Variants in PARD3B observed in about 807,000 individuals in gnomAD.
PARD3B encodes par-3 family cell polarity regulator beta.
Under a neutral mutation model 130.2 loss-of-function variants are expected in PARD3B, and 103 were observed. The observed-to-expected ratio is 0.79, with a 90% CI of 0.67 to 0.93. PARD3B has a LOEUF of 0.93. PARD3B is among the 40% of genes least tolerant of loss of function. The pLI, the probability that PARD3B is intolerant of heterozygous loss-of-function variation, is 0.00. For missense variants in PARD3B, 1,609 were observed against 1,499.2 expected (o/e 1.07, Z -1.21); for synonymous variants, 583 against 553.2 (o/e 1.05, Z -0.76).
At chr2:205,535,917 T>TATAAACATGCCAA in intron 21 of PARD3B, among the ~76,000 whole-genome samples, 1 of 152,310 alleles carries the variant, frequency 6.6e-6, no homozygotes, top group Non-Finnish European at 1.5e-5. Context: ...TTCCTGGTGT[T>TATAAACATGCCAA]TTCTCCTTTC....
chr2:205,530,039 C>A lies in PARD3B; in HGVS notation c.3181-23285C>A, dbSNP rs2051518743. ...GGTATAGGCAGGCAAAGAAAGGTGCCACCCAACAATGCTGTGAAGAGTAAG... is the reference window on the plus strand; with the variant it reads ...GGTATAGGCAGGCAAAGAAAGGTGCAACCCAACAATGCTGTGAAGAGTAAG... On this transcript the variant is annotated intron_variant, in intron 21 of 22. Transcript: ENST00000406610. This position sits in a 1 kb window ranked among gnomAD's most constrained non-coding sequence, Gnocchi z 4.7. Among the ~76,000 whole-genome samples, 1 of 152,112 alleles carries A rather than the reference C, an allele frequency of 6.6e-6. No individual in the cohort carries two copies. The highest frequency in any genetic ancestry group is 1.5e-5 in the Non-Finnish European group (1 of 68,022).
At chr2:204,926,290 C>G (rs531883007) in intron 2 of PARD3B, among the ~76,000 whole-genome samples, 9 of 152,222 alleles carry the variant, frequency 5.9e-5, no homozygotes, top group Non-Finnish European at 1.3e-4. Context: ...TCTGTTATCT[C>G]TTGATCTTGA....
chr2:205,104,188 C>G (rs901976193), intron 4 of PARD3B, among the ~76,000 whole-genome samples: 1 of 152,170 alleles, frequency 6.6e-6, no homozygotes, highest in Non-Finnish European at 1.5e-5. Flanking sequence ...TATTCCAAAG[C>G]TCTTAACATA....
chr2:205,188,580 T>TA (rs1389379986), intron 14 of PARD3B, among the ~76,000 whole-genome samples: 2 of 152,088 alleles, frequency 1.3e-5, no homozygotes, highest in African/African-American at 4.8e-5. Context: ...AGGGCAGAGA[T>TA]ATTTTAAAAA....
At chr2:204,632,968 A>G (rs1473025884) in intron 1 of PARD3B, among the ~76,000 whole-genome samples, 1 of 151,902 alleles carries the variant, frequency 6.6e-6, no homozygotes, top group Non-Finnish European at 1.5e-5. Context: ...TATTTTCTTT[A>G]TCCATGCATG....
intron 21 of PARD3B, among the ~76,000 whole-genome samples, chr2:205,514,004 A>G (rs2050692165): frequency 1.3e-5 from 2 of 152,110 alleles, no homozygotes; most frequent in South Asian, 4.1e-4. Context: ...AATCTAAACA[A>G]TTGCCCTTTG....
chr2:205,488,010 T>C (rs1017661286), intron 20 of PARD3B, among the ~76,000 whole-genome samples: 11 of 152,174 alleles, frequency 7.2e-5, no homozygotes, highest in Non-Finnish European at 1.5e-4. Context: ...ATAATACAAG[T>C]TTTGTAGGTT....
At position 205,015,840 on chromosome 2, in the gene PARD3B, G is replaced by C. The variant is rs1480399179; in HGVS notation, c.395-31741G>C. ...GTTATGAGTGAATGAATGAAAGAAT[G>C]GGTTTATTTTCCTGATCGTGAGCCT... On this transcript the variant is annotated intron_variant, in intron 3 of 22. Transcript: ENST00000406610. This position sits in a 1 kb window ranked among gnomAD's most constrained non-coding sequence, Gnocchi z 4.5. Among the ~76,000 whole-genome samples the C allele has an allele frequency of 6.6e-6, 1 of 152,146 alleles. No homozygotes were observed. Among genetic ancestry groups the C allele is most frequent in the African/African-American group, 2.4e-5 (1 of 41,442 alleles).
At chr2:205,320,680 A>G (rs986450516) in intron 18 of PARD3B, among the ~76,000 whole-genome samples, 5 of 152,216 alleles carry the variant, frequency 3.3e-5, no homozygotes, top group Non-Finnish European at 5.9e-5. Context: ...TATTTATTTT[A>G]CAATATAGAG....
intron 18 of PARD3B, among the ~76,000 whole-genome samples, chr2:205,319,428 G>A (rs1468946978): frequency 6.6e-6 from 1 of 152,176 alleles, no homozygotes; most frequent in Non-Finnish European, 1.5e-5. Flanking sequence ...ATCCACAGTT[G>A]TAGGACCTTT....
At chr2:205,081,148 T>C (rs375216917) in intron 4 of PARD3B, among the ~76,000 whole-genome samples, 8 of 152,222 alleles carry the variant, frequency 5.3e-5, no homozygotes, top group African/African-American at 1.9e-4. Flanking sequence ...AATCTTTTCC[T>C]TTATGGATGG....
At chr2:205,541,122 A>G (rs1410509938) in intron 21 of PARD3B, among the ~76,000 whole-genome samples, 1 of 152,182 alleles carries the variant, frequency 6.6e-6, no homozygotes, top group Non-Finnish European at 1.5e-5. Flanking sequence ...GGAATGAAGT[A>G]TTCTGATTGA....
chr2:205,056,146 G>A (rs371496781), intron 4 of PARD3B, among the ~76,000 whole-genome samples: 2 of 151,958 alleles, frequency 1.3e-5, no homozygotes, highest in Non-Finnish European at 2.9e-5. Flanking sequence ...GCCTTGGGAG[G>A]AGAAGGAAAA....
chr2:204,837,129 C>T (rs890596645), intron 2 of PARD3B, among the ~76,000 whole-genome samples: 8 of 152,002 alleles, frequency 5.3e-5, no homozygotes, highest in Non-Finnish European at 8.8e-5. Context: ...CATACTTTCA[C>T]GTGAATTATT....
At chr2:204,948,704 T>C (rs754734414) in intron 2 of PARD3B, among the ~76,000 whole-genome samples, 7 of 152,350 alleles carry the variant, frequency 4.6e-5, no homozygotes, top group Non-Finnish European at 8.8e-5. Flanking sequence ...TTGTCCGCAC[T>C]CACTTTCTAT....
At chr2:205,398,889 C>T (rs928545542) in intron 18 of PARD3B, among the ~76,000 whole-genome samples, 1 of 152,126 alleles carries the variant, frequency 6.6e-6, no homozygotes. Context: ...ATGTCAGGTC[C>T]TCATGTGAGG....
chr2:205,586,636 A>G (rs1382241754), intron 22 of PARD3B, among the ~76,000 whole-genome samples: 2 of 151,722 alleles, frequency 1.3e-5, no homozygotes, highest in Non-Finnish European at 2.9e-5. Flanking sequence ...TTTTATATAC[A>G]TATATATAAT....
At chr2:205,376,574 T>C (rs1230459343) in intron 18 of PARD3B, among the ~76,000 whole-genome samples, 1 of 151,992 alleles carries the variant, frequency 6.6e-6, no homozygotes, top group Admixed American at 6.6e-5. Flanking sequence ...AATCTAGGGG[T>C]AATGGTGGGG....
intron 2 of PARD3B, among the ~76,000 whole-genome samples, chr2:204,964,049 T>A (rs1690987867): frequency 6.6e-6 from 1 of 152,242 alleles, no homozygotes; most frequent in African/African-American, 2.4e-5. Context: ...CCAACAGGGT[T>A]CCCCTATGAC....
Sources: gnomAD v4.1 joint callset for allele counts (sites outside exome capture counted in the v4.1 genomes callset) on GRCh38, gnomAD v4.1.1 for gene constraint, Gnocchi (gnomAD v3.1) non-coding constraint, MANE v1.5 for transcripts, NCBI Gene and HGNC (gene_info 2026-07-23, HGNC 2026-07-21) for gene names.